The following RARB variants were observed in gnomAD, a reference collection of about 807,000 sequenced individuals.
The protein encoded by RARB is retinoic acid receptor beta, also known as HBV-activated protein.
A neutral mutation model predicts 51.9 loss-of-function variants in RARB; 17 were observed. The ratio of observed to expected loss-of-function variants is 0.33; its 90% CI spans 0.22 to 0.49. The LOEUF (loss-of-function observed/expected upper bound fraction) is 0.49. RARB is among the 20% of genes least tolerant of loss of function. RARB has a pLI of 0.99. For missense variants in RARB, 369 were observed against 550.8 expected (o/e 0.67, Z 3.30); for synonymous variants, 215 against 195.4 (o/e 1.10, Z -0.84).
intron 3 of RARB, among the ~76,000 whole-genome samples, chr3:25,560,909 T>A (rs1700243135): frequency 6.6e-6 from 1 of 152,224 alleles, no homozygotes; most frequent in Non-Finnish European, 1.5e-5. Flanking sequence ...GTTTGGTGAA[T>A]AAACAAATTG....
intron 4 of RARB, among the ~76,000 whole-genome samples, chr3:25,156,600 C>A (rs189871909): frequency 1.3e-3 from 191 of 146,348 alleles, no homozygotes; most frequent in African/African-American, 4.7e-3. Flanking sequence ...AGTGCTTGTC[C>A]ACAGAGAACA....
intron 2 of RARB, among the ~76,000 whole-genome samples, chr3:24,984,165 G>T (rs1378151943): frequency 6.6e-6 from 1 of 152,124 alleles, no homozygotes. Context: ...AAGCAAAAGG[G>T]AAGAAATCAA....
intron 5 of RARB, among the ~76,000 whole-genome samples, chr3:25,321,917 G>A (rs1704583218): frequency 6.6e-6 from 1 of 151,632 alleles, no homozygotes; most frequent in African/African-American, 2.4e-5. Flanking sequence ...TGTGGAGGCA[G>A]GCAGTAGAAG....
At chr3:25,097,706 C>T (rs1036816971) in intron 3 of RARB, among the ~76,000 whole-genome samples, 1 of 152,154 alleles carries the variant, frequency 6.6e-6, no homozygotes, top group Non-Finnish European at 1.5e-5. Context: ...AATTCCTGGA[C>T]ATGTCCCAGA....
intron 2 of RARB, among the ~76,000 whole-genome samples, chr3:24,868,040 G>A (rs558898585): frequency 3.5e-4 from 54 of 152,202 alleles, no homozygotes; most frequent in South Asian, 2.9e-3. Flanking sequence ...ATCTCTGGAC[G>A]GCTTGCAGAA....
At chr3:25,008,440 A>C (rs940173226) in intron 2 of RARB, among the ~76,000 whole-genome samples, 6 of 152,098 alleles carry the variant, frequency 3.9e-5, no homozygotes, top group African/African-American at 1.4e-4. Context: ...TCTTAAGTAC[A>C]GTTCAGTCTT....
chr3:25,393,013 T>C (rs1232671623), intron 5 of RARB, among the ~76,000 whole-genome samples: 1 of 152,144 alleles, frequency 6.6e-6, no homozygotes, highest in African/African-American at 2.4e-5. Flanking sequence ...CAGTATAATG[T>C]TGGCTGTGGG....
chr3:24,862,037 C>T (rs1702757999), intron 2 of RARB, among the ~76,000 whole-genome samples: 1 of 152,196 alleles, frequency 6.6e-6, no homozygotes. Flanking sequence ...AGATGGTTAT[C>T]AAATGACCAC....
intron 1 of RARB, among the ~76,000 whole-genome samples, chr3:25,430,692 G>C (rs1057266050): frequency 3.3e-5 from 5 of 152,176 alleles, no homozygotes; most frequent in African/African-American, 1.2e-4. Context: ...AGCAAGAAGT[G>C]TTGATAACAG....
chr3:25,025,140 T>TTCTTATGAATA (rs1310166647), intron 2 of RARB: 1 of 152,176 alleles, frequency 6.6e-6, no homozygotes, highest in Non-Finnish European at 1.5e-5. Context: ...GTTGTAAGCA[T>TTCTTATGAATA]TCTTATGAAT....
At chr3:25,179,621 A>G (rs1397464310) in intron 5 of RARB, among the ~76,000 whole-genome samples, 3 of 152,052 alleles carry the variant, frequency 2.0e-5, no homozygotes, top group Non-Finnish European at 4.4e-5. Context: ...TGTCCATTTT[A>G]CCTCCCTCAT....
intron 2 of RARB, among the ~76,000 whole-genome samples, chr3:24,985,130 G>A (rs1696759747): frequency 6.6e-6 from 1 of 152,164 alleles, no homozygotes; most frequent in African/African-American, 2.4e-5. Flanking sequence ...TGGAAATGGT[G>A]AGGGGTTCTT....
At chr3:24,955,864 C>G (rs1468640870) in intron 2 of RARB, among the ~76,000 whole-genome samples, 1 of 152,102 alleles carries the variant, frequency 6.6e-6, no homozygotes, top group Non-Finnish European at 1.5e-5. Flanking sequence ...TGGCCGATCT[C>G]TTAGTGTTGC....
At chr3:25,093,623 T>G (rs1168705601) in intron 3 of RARB, among the ~76,000 whole-genome samples, 1 of 152,126 alleles carries the variant, frequency 6.6e-6, no homozygotes, top group African/African-American at 2.4e-5. Flanking sequence ...AGGTCACAGG[T>G]TTGCAACTTC....
chr3:24,837,134 A>G (rs1702355651), intron 1 of RARB, among the ~76,000 whole-genome samples: 1 of 152,222 alleles, frequency 6.6e-6, no homozygotes, highest in African/African-American at 2.4e-5. Context: ...CCTTTGTTGA[A>G]TGGATGAATG....
At chr3:25,577,788 G>T (rs1010262594) in intron 4 of RARB, among the ~76,000 whole-genome samples, 1 of 152,202 alleles carries the variant, frequency 6.6e-6, no homozygotes, top group African/African-American at 2.4e-5. Context: ...GGCAAAACTT[G>T]CCATTTAATT....
intron 2 of RARB, among the ~76,000 whole-genome samples, chr3:24,925,202 G>T (rs1695290940): frequency 6.6e-6 from 1 of 152,052 alleles, no homozygotes; most frequent in South Asian, 2.1e-4. Flanking sequence ...CTAAAGGAAA[G>T]AATATGTCAT....
intron 5 of RARB, among the ~76,000 whole-genome samples, chr3:25,261,461 C>G (rs940034936): frequency 2.0e-5 from 3 of 152,084 alleles, no homozygotes; most frequent in Non-Finnish European, 4.4e-5. Context: ...CTATTTTCAG[C>G]CTATCACTCT....
At chr3:25,294,332 A>G (rs1167974912) in intron 5 of RARB, among the ~76,000 whole-genome samples, 2 of 152,226 alleles carry the variant, frequency 1.3e-5, no homozygotes, top group Non-Finnish European at 2.9e-5. Flanking sequence ...TAACTTTAGT[A>G]CTTACCGCAT....
Sources: allele counts gnomAD v4.1 joint callset (sites outside exome capture counted in the v4.1 genomes callset), GRCh38; gene constraint gnomAD v4.1.1; transcripts MANE v1.5; gene names NCBI Gene and HGNC (gene_info 2026-07-23, HGNC 2026-07-21).